Variants in REV3L observed in about 807,000 individuals in gnomAD.
The protein encoded by REV3L is DNA polymerase zeta catalytic subunit.
A neutral mutation model predicts 299.4 loss-of-function variants in REV3L; 69 were observed. The ratio of observed to expected loss-of-function variants is 0.23; its 90% CI spans 0.19 to 0.28. REV3L has a LOEUF of 0.28. Among genes scored for constraint, REV3L ranks in the 10% least tolerant of loss-of-function variants. The pLI, the probability that REV3L is intolerant of heterozygous loss-of-function variation, is 1.00. For missense variants in REV3L, 3,128 were observed against 3,693.8 expected (o/e 0.85, Z 3.97); for synonymous variants, 1,238 against 1,271.4 (o/e 0.97, Z 0.56).
chr6:111,313,657 A>T, intron 27 of REV3L, 168 bp from the exon 28 acceptor site: 2 of 593,726 alleles, frequency 3.4e-6, no homozygotes, highest in East Asian at 6.1e-5. Context: ...AGCAAAATGA[A>T]TTGTCTTTAA....
intron 19 of REV3L, among the ~76,000 whole-genome samples, chr6:111,350,443 C>T (rs1777467645): frequency 2.0e-5 from 3 of 148,320 alleles, no homozygotes; most frequent in Non-Finnish European, 4.5e-5. Context: ...TAAACTGAGA[C>T]AAGGATATTT....
At chr6:111,382,899 T>C (rs1194721380) in intron 9 of REV3L, among the ~76,000 whole-genome samples, 1 of 152,096 alleles carries the variant, frequency 6.6e-6, no homozygotes, top group Non-Finnish European at 1.5e-5. Flanking sequence ...ATCTTGCAAC[T>C]TGGATACCAG....
chr6:111,377,217 G>GA lies in REV3L; in HGVS notation c.1598-461dup, dbSNP rs565490075. Reference sequence around the variant, plus strand: ...AATCATGTATCTAATTCTTTCAAAAGAAAAAAATCCTGAAGGACGAAACAT... The same window carrying GA: ...AATCATGTATCTAATTCTTTCAAAAGAAAAAAAATCCTGAAGGACGAAACAT... On this transcript the variant is annotated intron_variant, in intron 12 of 31. Coordinates refer to ENST00000368802, the MANE Select transcript of REV3L (RefSeq NM_001372078.1). Among the ~76,000 whole-genome samples the GA allele has an allele frequency of 2.2e-3, 332 of 152,012 alleles. 1 individual carries two copies. Among genetic ancestry groups the GA allele is most frequent in the African/African-American group, 7.5e-3 (311 of 41,482 alleles).
chr6:111,355,402 G>C (rs1777987798), intron 18 of REV3L, among the ~76,000 whole-genome samples: 1 of 152,064 alleles, frequency 6.6e-6, no homozygotes, highest in South Asian at 2.1e-4. Flanking sequence ...TGACTCCAAA[G>C]GCTGTGCTGA....
intron 17 of REV3L, among the ~76,000 whole-genome samples, chr6:111,358,303 G>A (rs1002493119): frequency 9.2e-5 from 14 of 152,108 alleles, no homozygotes; most frequent in Non-Finnish European, 1.8e-4. Context: ...ACCTGCATAT[G>A]CATACATAAG....
In REV3L at chr6:111,374,413, T is replaced by A. The variant is rs55668470; in HGVS notation, c.3942A>T (p.Ser1314=). 1 of 1,613,872 alleles carries A rather than the reference T, an allele frequency of 6.2e-7. No individual in the cohort carries two copies. Among genetic ancestry groups the A allele is most frequent in the East Asian group, 2.2e-5 (1 of 44,882 alleles). The change falls in exon 13 of 32, where the codon TCA becomes TCT. Residue 1314 remains serine (S), a synonymous_variant. Transcript: ENST00000368802. ...CAACTGATGGATGCAAATCATCTCG[T>A]GAACTGGGGAATGTCTGCAAATCTA... ...KSVDLQTFPS[S]RDDLHPSVVC... is the part of the protein sequence containing the mutation.
At position 111,367,873 on chromosome 6, in the gene REV3L, C is replaced by T. The variant is rs1300459328; in HGVS notation, c.5915G>A (p.Gly1972Asp). The T allele has an allele frequency of 6.2e-7, 1 of 1,614,146 alleles. No individual in the cohort carries two copies. Among genetic ancestry groups the T allele is most frequent in the Non-Finnish European group, 8.5e-7 (1 of 1,180,024 alleles). Residue 1972 changes from glycine to aspartate, a missense_variant, in exon 14 of 32, where the codon GGC (glycine) becomes GAC (aspartate). Around this residue, in one of 9 missense-constraint regions of REV3L, gnomAD observed 2,409 missense variants for 2,611.8 expected, o/e 0.92. Coordinates refer to ENST00000368802, the MANE Select transcript of REV3L (RefSeq NM_001372078.1). ...TGACCCTTTATTGACAACTCCTTGGCCACTGCGAAGGGGTGACCCTGGCCT... is the reference window on the plus strand; with the variant it reads ...TGACCCTTTATTGACAACTCCTTGGTCACTGCGAAGGGGTGACCCTGGCCT... Reference protein sequence around the residue: ...NPRPGSPLRSGQGVVNKGSSN... With the variant: ...NPRPGSPLRSDQGVVNKGSSN...
chr6:111,430,111 G>A, intron 1 of REV3L: 1 of 790,402 alleles, frequency 1.3e-6, no homozygotes, highest in Non-Finnish European at 2.3e-6. Context: ...GATTGAGACG[G>A]GGTGGAGAAT....
In REV3L at chr6:111,454,684, G is replaced by C. The variant is rs370684467; in HGVS notation, c.139+28066C>G. On this transcript the variant is annotated intron_variant, in intron 1 of 31. Transcript: ENST00000368802. Reference sequence around the variant, plus strand: ...TCCTGAGTTTTTTCTAACTTTTTTTGAGATGGAGTTTCGCTCTTGTTGCCC... The same window carrying C: ...TCCTGAGTTTTTTCTAACTTTTTTTCAGATGGAGTTTCGCTCTTGTTGCCC... 3.9e-5 allele frequency among the ~76,000 whole-genome samples: 6 copies of C among 151,924 alleles called. 1 individual carries two copies. The highest frequency in any genetic ancestry group is 1.4e-4 in the African/African-American group (6 of 41,428).
rs773737699 is a variant in REV3L at position 111,374,364 on chromosome 6, C to T, written c.3991G>A (p.Val1331Ile). The T allele has an allele frequency of 6.2e-7, 1 of 1,613,972 alleles. No individual in the cohort carries two copies. Among genetic ancestry groups the T allele is most frequent in the South Asian group, 1.1e-5 (1 of 91,078 alleles). The change falls in exon 13 of 32, where the codon GTC (valine) becomes ATC (isoleucine). Residue 1331 changes from valine (V) to isoleucine (I), a missense_variant. This residue lies in a region of REV3L where 2,409 missense variants were observed against 2,611.8 expected (regional missense o/e 0.92). Transcript: ENST00000368802. ...GGCCTTTGAACATTAATTTTTGAGA[C>T]TCCAGGTCCTATAGAATTACAAACA... ...SVVCNSIGPG[V>I]SKINVQRPHN...
In REV3L at chr6:111,408,602, AAAAACAAAACAAAAC is replaced by A. The variant is rs75742786; in HGVS notation, c.404+2863_404+2877del. On this transcript the variant is annotated intron_variant, in intron 3 of 31. Transcript: ENST00000368802. The stretch of plus-strand genomic sequence containing the variant: ...CTGGGCAACAGTGAGACTCCATCTT[AAAAACAAAACAAAAC>A]AAAACAAAACAAAACAAAACAAAAC... Among the ~76,000 whole-genome samples the A allele has an allele frequency of 4.8e-3, 718 of 148,118 alleles. 4 individuals carry two copies. The highest frequency in any genetic ancestry group is 0.011 in the African/African-American group (462 of 40,302).
At chr6:111,478,056 C>A (rs59380074) in intron 1 of REV3L, among the ~76,000 whole-genome samples, 1 of 152,210 alleles carries the variant, frequency 6.6e-6, no homozygotes, top group Non-Finnish European at 1.5e-5. Flanking sequence ...CATTGCCAAA[C>A]TGCCCTGCAA....
intron 1 of REV3L, among the ~76,000 whole-genome samples, chr6:111,422,666 A>G (rs1256651454): frequency 2.4e-5 from 1 of 42,306 alleles, no homozygotes; most frequent in East Asian, 9.7e-4. Flanking sequence ...ATATATACAT[A>G]TATATATATA....
intron 17 of REV3L, among the ~76,000 whole-genome samples, 183 bp downstream of exon 17, chr6:111,358,639 C>G (rs2114984458): frequency 6.6e-6 from 1 of 152,240 alleles, no homozygotes; most frequent in Admixed American, 6.5e-5. Flanking sequence ...CTGCTTCTGA[C>G]TAATCCAAGT....
At chr6:111,447,473 C>T (rs918622163) in intron 1 of REV3L, among the ~76,000 whole-genome samples, 1 of 152,132 alleles carries the variant, frequency 6.6e-6, no homozygotes, top group Non-Finnish European at 1.5e-5. Flanking sequence ...TATTAATTTT[C>T]GTCAAAGTCT....
At chr6:111,301,685 T>C (rs1267671705) in intron 31 of REV3L, among the ~76,000 whole-genome samples, 1 of 152,098 alleles carries the variant, frequency 6.6e-6, no homozygotes, top group East Asian at 1.9e-4. Context: ...CCCAGATGAT[T>C]TGGATGTATA....
At chr6:111,384,857 A>G (rs1473668796) in intron 9 of REV3L, among the ~76,000 whole-genome samples, 1 of 152,242 alleles carries the variant, frequency 6.6e-6, no homozygotes, top group Non-Finnish European at 1.5e-5. Flanking sequence ...CTAAGTGTCC[A>G]TCAACAGATG....
In REV3L at chr6:111,335,745, A is replaced by G. The variant is rs534213009; in HGVS notation, c.7539-135T>C. The stretch of plus-strand genomic sequence containing the variant: ...GAAAGAGTAATGATATGAGCCTTTA[A>G]GCAAAGTATGCTAAGGAATTAAACA... On this transcript the variant is annotated intron_variant, in intron 21 of 31. Coordinates refer to ENST00000368802, the MANE Select transcript of REV3L (RefSeq NM_001372078.1). The G allele has an allele frequency of 4.7e-5, 37 of 791,668 alleles. No homozygotes were observed. The South Asian group carries it at 8.2e-4, about 17-fold the overall frequency. 49.0% of individuals were successfully genotyped at this position (791,668 alleles called of 1,614,324 possible). A position where few individuals can be genotyped will look rare whatever the true frequency, so the allele number is the denominator to read the frequency against.
Position 111,371,308 on chromosome 6 carries a change from TGATA to T in REV3L, c.5759+1284_5759+1287del, listed in dbSNP as rs201810923. Among the ~76,000 whole-genome samples the T allele has an allele frequency of 4.8e-4, 73 of 152,342 alleles. 3 individuals carry two copies. In the East Asian group the frequency reaches 0.014, roughly 29 times the overall value. ...GTATACACCATAACTACTTAACTAC[TGATA>T]AATAAACCAGTACTCTGATTTCTAT... On this transcript the variant is annotated intron_variant, in intron 13 of 31. Coordinates refer to ENST00000368802, the MANE Select transcript of REV3L (RefSeq NM_001372078.1).
Sources: allele counts gnomAD v4.1 joint callset (sites outside exome capture counted in the v4.1 genomes callset), GRCh38; gene constraint gnomAD v4.1.1; regional missense constraint gnomAD v4.1.1; transcripts MANE v1.5; gene names NCBI Gene and HGNC (gene_info 2026-07-23, HGNC 2026-07-21).